Variants in REC114 observed in about 807,000 individuals in gnomAD.
REC114 encodes REC114 meiotic recombination protein, also known as meiotic recombination protein REC114.
A neutral mutation model predicts 31.3 loss-of-function variants in REC114; 27 were observed. That is an observed-to-expected ratio of 0.86 (90% CI 0.64 to 1.19). The LOEUF (loss-of-function observed/expected upper bound fraction) is 1.19. Among genes scored for constraint, REC114 ranks in the 50% most tolerant of loss-of-function variants. The pLI is 0.00. For missense variants in REC114, 344 were observed against 326.9 expected, an observed-to-expected ratio of 1.05 and a Z score of -0.40; for synonymous variants, 134 against 127.7, an observed-to-expected ratio of 1.05 and a Z score of -0.33.
At chr15:73,487,177 A>G (rs1893382387) in intron 2 of REC114, among the ~76,000 whole-genome samples, 2 of 152,236 alleles carry the variant, frequency 1.3e-5, no homozygotes, top group Admixed American at 6.5e-5. Flanking sequence ...CTTTTGAGGA[A>G]TACATTCAGA....
chr15:73,536,889 T>C (rs1894163390), intron 2 of REC114, among the ~76,000 whole-genome samples: 1 of 152,190 alleles, frequency 6.6e-6, no homozygotes, highest in South Asian at 2.1e-4. Flanking sequence ...CAATTTTCAT[T>C]TTAGATTCAG....
intron 2 of REC114, among the ~76,000 whole-genome samples, chr15:73,495,581 A>G (rs1209380715): frequency 1.3e-5 from 2 of 150,498 alleles, no homozygotes; most frequent in Non-Finnish European, 3.0e-5. Context: ...TTATATCCCT[A>G]TTTATCATCT....
intron 2 of REC114, among the ~76,000 whole-genome samples, chr15:73,481,217 T>C (rs1893289417): frequency 6.6e-6 from 1 of 152,130 alleles, no homozygotes; most frequent in Non-Finnish European, 1.5e-5. Flanking sequence ...GGCTTTCTGC[T>C]TGGTCCTGGG....
intron 2 of REC114, among the ~76,000 whole-genome samples, chr15:73,510,504 C>T (rs1360887385): frequency 2.7e-5 from 4 of 146,502 alleles, no homozygotes; most frequent in Non-Finnish European, 6.0e-5. Flanking sequence ...TGAGAGAGGG[C>T]ATCCCTGTCT....
intron 3 of REC114, among the ~76,000 whole-genome samples, chr15:73,541,473 A>C (rs1894236516): frequency 1.3e-5 from 2 of 152,316 alleles, no homozygotes; most frequent in South Asian, 4.1e-4. Flanking sequence ...CATATATATT[A>C]GTTCACAAAT....
At chr15:73,528,063 T>A (rs189889733) in intron 2 of REC114, among the ~76,000 whole-genome samples, 40 of 151,364 alleles carry the variant, frequency 2.6e-4, no homozygotes, top group East Asian at 9.7e-4. Context: ...GACACTTTTT[T>A]AAAAAAAAAC....
chr15:73,491,766 G>A (rs1487124006), intron 2 of REC114, among the ~76,000 whole-genome samples: 2 of 152,144 alleles, frequency 1.3e-5, no homozygotes, highest in African/African-American at 4.8e-5. Flanking sequence ...CAGGCCCGGT[G>A]GCACATGCCT....
At chr15:73,556,049 C>T (rs1393957745) in intron 4 of REC114, among the ~76,000 whole-genome samples, 1 of 152,196 alleles carries the variant, frequency 6.6e-6, no homozygotes, top group Non-Finnish European at 1.5e-5. Context: ...GGAAGAAGCA[C>T]TAACAGCCTG....
chr15:73,513,495 C>G (rs199521162), intron 2 of REC114, among the ~76,000 whole-genome samples: 7,497 of 148,840 alleles, frequency 0.05, 196 homozygotes, highest in South Asian at 0.086. Flanking sequence ...TGAGGAACTG[C>G]GTTCCTTTGG....
chr15:73,457,665 G>A (rs778498246), intron 1 of REC114, among the ~76,000 whole-genome samples: 11 of 152,154 alleles, frequency 7.2e-5, no homozygotes, highest in Non-Finnish European at 1.6e-4. Context: ...CTTGAGAGCT[G>A]TTGCTTCCTT....
At chr15:73,521,854 A>C (rs74026206) in intron 2 of REC114, among the ~76,000 whole-genome samples, 2 of 152,200 alleles carry the variant, frequency 1.3e-5, no homozygotes, top group Non-Finnish European at 1.5e-5. Flanking sequence ...CTGTAGGCCC[A>C]TGTAACTTGT....
At chr15:73,481,184 C>T (rs1308653434) in intron 2 of REC114, among the ~76,000 whole-genome samples, 1 of 152,090 alleles carries the variant, frequency 6.6e-6, no homozygotes, top group Non-Finnish European at 1.5e-5. Flanking sequence ...ATGTAAAACT[C>T]AAAACACGTC....
intron 5 of REC114, among the ~76,000 whole-genome samples, chr15:73,558,688 A>C (rs2141340442): frequency 6.6e-6 from 1 of 152,344 alleles, no homozygotes; most frequent in Admixed American, 6.5e-5. Context: ...GTGAGCAACT[A>C]CAACTCTCAT....
chr15:73,443,230 A>G lies in REC114; in HGVS notation c.45A>G (p.Gly15=). The stretch of plus-strand genomic sequence containing the variant: ...TGCCCTTGAGCCTCGGGCTTACCGG[A>G]GGAGAAGCGGCAGAGTGGCCTCTGC... The part of the protein sequence containing the change: ...GKVPLSLGLT[G]GEAAEWPLQR... Residue 15 remains glycine (G), a synonymous_variant, in exon 1 of 6, where the codon GGA becomes GGG. Coordinates refer to ENST00000331090, the MANE Select transcript of REC114 (RefSeq NM_001042367.2). 1 of 1,575,646 alleles carries G rather than the reference A, an allele frequency of 6.3e-7. No homozygotes were observed. Among genetic ancestry groups the G allele is most frequent in the East Asian group, 2.3e-5 (1 of 42,682 alleles).
chr15:73,518,891 G>A (rs1017579826), intron 2 of REC114, among the ~76,000 whole-genome samples: 31 of 152,182 alleles, frequency 2.0e-4, no homozygotes, highest in Non-Finnish European at 4.3e-4. Context: ...AAGAAAGGTT[G>A]TAATTATTTT....
chr15:73,443,329 C>T lies in REC114; in HGVS notation c.144C>T (p.Pro48=). ...CATGCCTGGAAGCTGGGACAGCCCC[C>T]TGCCCCACATGGAAGGTGAGGCCCG... The part of the protein sequence containing the change: ...PGPCLEAGTA[P]CPTWKVFDSN... The change falls in exon 1 of 6, where the codon CCC becomes CCT. Residue 48 remains proline (P), a synonymous_variant. Transcript: ENST00000331090. 1 of 1,579,976 alleles carries T rather than the reference C, an allele frequency of 6.3e-7. No homozygotes were observed. The highest frequency in any genetic ancestry group is 8.6e-7 in the Non-Finnish European group (1 of 1,164,282).
chr15:73,477,205 T>C (rs1478146113), intron 2 of REC114, among the ~76,000 whole-genome samples: 1 of 152,206 alleles, frequency 6.6e-6, no homozygotes, highest in Non-Finnish European at 1.5e-5. Context: ...TTGTTTGCCT[T>C]CTTATATTCG....
chr15:73,546,883 C>T (rs1286681631), intron 3 of REC114, among the ~76,000 whole-genome samples: 2 of 151,344 alleles, frequency 1.3e-5, no homozygotes, highest in Non-Finnish European at 2.9e-5. Context: ...AACAAGACTC[C>T]TATCTTTCAC....
chr15:73,544,251 T>G (rs1894279979), intron 3 of REC114, among the ~76,000 whole-genome samples: 1 of 152,220 alleles, frequency 6.6e-6, no homozygotes, highest in Admixed American at 6.5e-5. Context: ...TCCTTTGATC[T>G]ATTGACTTGA....
Sources: allele counts gnomAD v4.1 joint callset (sites outside exome capture counted in the v4.1 genomes callset), GRCh38; gene constraint gnomAD v4.1.1; transcripts MANE v1.5; gene names NCBI Gene and HGNC (gene_info 2026-07-23, HGNC 2026-07-21).